The following SARDH variants were observed in gnomAD, a reference collection of about 807,000 sequenced individuals.
SARDH encodes the protein sarcosine dehydrogenase.
SARDH carries 95 observed loss-of-function variants against 109.1 expected under a neutral mutation model. The observed-to-expected ratio is 0.87, with a 90% CI of 0.74 to 1.03. The LOEUF is 1.03. Among genes scored for constraint, SARDH ranks in the 50% least tolerant of loss-of-function variants. SARDH has a pLI of 0.00. For missense variants in SARDH, 1,267 were observed against 1,287.8 expected, an observed-to-expected ratio of 0.98 and a Z score of 0.25; for synonymous variants, 572 against 534.8, an observed-to-expected ratio of 1.07 and a Z score of -0.96.
In SARDH at chr9:133,729,906, G is replaced by A. The variant is rs772075115; in HGVS notation, c.815-41C>T. ...AGACAGCTCAGCTCTGCTGACACCT[G>A]GTGGGAGCTGCCTCTCAGGTGTGCA... On this transcript the variant is annotated intron_variant, in intron 5 of 20. Transcript: ENST00000439388. 3 of 1,604,354 alleles carry A rather than the reference G, an allele frequency of 1.9e-6. No individual in the cohort carries two copies. In the South Asian group the frequency reaches 3.3e-5, roughly 18 times the overall value.
intron 16 of SARDH, among the ~76,000 whole-genome samples, chr9:133,689,015 T>C (rs129905): frequency 0.37 from 56,390 of 152,026 alleles, 10,705 homozygotes; most frequent in Admixed American, 0.45. Flanking sequence ...GCAACTGGCC[T>C]AGGACTCAGC....
At chr9:133,676,479 T>C (rs1289180114) in intron 17 of SARDH, among the ~76,000 whole-genome samples, 1 of 152,140 alleles carries the variant, frequency 6.6e-6, no homozygotes, top group Non-Finnish European at 1.5e-5. Flanking sequence ...ACAATTAAAT[T>C]AACAAACCAG....
chr9:133,735,035 C>A (rs1832835342), intron 1 of SARDH, among the ~76,000 whole-genome samples: 1 of 152,086 alleles, frequency 6.6e-6, no homozygotes, highest in South Asian at 2.1e-4. Flanking sequence ...GACACTTGCG[C>A]TCCCAGACAG....
chr9:133,706,765 G>A (rs570509519), intron 11 of SARDH, among the ~76,000 whole-genome samples: 1 of 152,266 alleles, frequency 6.6e-6, no homozygotes, highest in East Asian at 1.9e-4. Flanking sequence ...TGACTGGAAC[G>A]AGGCCCCGAG....
At position 133,690,414 on chromosome 9, in the gene SARDH, C is replaced by T; in HGVS notation, c.2035G>A (p.Asp679Asn). 1 of 1,613,278 alleles carries T rather than the reference C, an allele frequency of 6.2e-7. No individual in the cohort carries two copies. Among genetic ancestry groups the T allele is most frequent in the Non-Finnish European group, 8.5e-7 (1 of 1,179,946 alleles). ...SQCQLIDSSE[D>N]LGMISIQGPA... is the part of the protein sequence containing the mutation. ...CCCTGGATACTGATCATACCCAGGT[C>T]CTCGGAGCTGTCGATGAGCTGGCAC... Residue 679 changes from aspartate (D) to asparagine (N), a missense_variant, in exon 16 of 21, where the codon GAC becomes AAC. Asp to Asn is a conservative substitution (Grantham distance 23). Coordinates refer to ENST00000439388, the MANE Select transcript of SARDH (RefSeq NM_001134707.2).
intron 12 of SARDH, 127 bp from the exon 13 acceptor site, chr9:133,703,156 GA>G: frequency 1.3e-6 from 1 of 777,774 alleles, no homozygotes. Flanking sequence ...GCCCTGCACT[GA>G]GTGCCCGTGT....
chr9:133,722,456 A>G (rs944942030), intron 6 of SARDH, among the ~76,000 whole-genome samples: 1 of 152,180 alleles, frequency 6.6e-6, no homozygotes, highest in African/African-American at 2.4e-5. Flanking sequence ...GGAATTAGAG[A>G]AAGATATCCA....
At position 133,692,060 on chromosome 9, in the gene SARDH, G is replaced by A. The variant is rs1185407436; in HGVS notation, c.1922-1533C>T. ...CTGACAGCTTCCCCTTATGAGGGGG[G>A]ACGAGCAAGGTCCTCATTCCCCAGC... On this transcript the variant is annotated intron_variant, in intron 15 of 20. Transcript: ENST00000439388. The surrounding 1 kb of genome is among the most constrained non-coding windows in gnomAD (Gnocchi z 5.0). Among the ~76,000 whole-genome samples the A allele has an allele frequency of 6.6e-6, 1 of 152,204 alleles. No homozygotes were observed. The highest frequency in any genetic ancestry group is 1.5e-5 in the Non-Finnish European group (1 of 68,028).
Position 133,718,838 on chromosome 9 carries a change from C to T in SARDH, c.1020+100G>A. 1 of 974,184 alleles carries T rather than the reference C, an allele frequency of 1.0e-6. No individual in the cohort carries two copies. The highest frequency in any genetic ancestry group is 1.7e-6 in the Non-Finnish European group (1 of 596,488). 60.3% of individuals were successfully genotyped at this position (974,184 alleles called of 1,614,324 possible). A position where few individuals can be genotyped will look rare whatever the true frequency, so the allele number is the denominator to read the frequency against. ...GACCGGCCACTTCTCAGGTGTGCCT[C>T]TGAGGAGCTTCAGGAGGATGGACTT... On this transcript the variant is annotated intron_variant, in intron 7 of 20. Transcript: ENST00000439388. This position sits in a 1 kb window ranked among gnomAD's most constrained non-coding sequence, Gnocchi z 4.2.
intron 4 of SARDH, 112 bp from the exon 5 acceptor site, chr9:133,730,299 C>T: frequency 7.1e-7 from 1 of 1,411,512 alleles, no homozygotes; most frequent in South Asian, 1.3e-5. Flanking sequence ...ACTATTTCTG[C>T]CAGCAGCAGG....
At chr9:133,717,582 G>A (rs1370181417) in intron 7 of SARDH, 127 bp from the exon 8 acceptor site, 12 of 1,358,348 alleles carry the variant, frequency 8.8e-6, no homozygotes, top group South Asian at 8.4e-5. Context: ...AGGGCTGGTG[G>A]TCACCCACAC....
At position 133,692,776 on chromosome 9, in the gene SARDH, G is replaced by A. The variant is rs1429571683; in HGVS notation, c.1921+1482C>T. 6.6e-6 allele frequency among the ~76,000 whole-genome samples: 1 copy of A among 152,114 alleles called. No homozygotes were observed. The highest frequency in any genetic ancestry group is 2.4e-5 in the African/African-American group (1 of 41,416). ...CTCACGTGATGACTGTTGAGGGAAC[G>A]AGCGAAGGAACGAGCTCATGGATCC... is the stretch of plus-strand genomic sequence containing the variant. On this transcript the variant is annotated intron_variant, in intron 15 of 20. Transcript: ENST00000439388. The surrounding 1 kb of genome is among the most constrained non-coding windows in gnomAD (Gnocchi z 5.0).
intron 14 of SARDH, 39 bp downstream of exon 14, chr9:133,696,184 G>T: frequency 6.2e-7 from 1 of 1,609,866 alleles, no homozygotes. Flanking sequence ...TGTGCCCATG[G>T]AGTGACAGGA....
At chr9:133,700,770 C>T (rs1044033068) in intron 13 of SARDH, among the ~76,000 whole-genome samples, 1 of 152,256 alleles carries the variant, frequency 6.6e-6, no homozygotes, top group South Asian at 2.1e-4. Flanking sequence ...ACATCACTCC[C>T]TATTTCCTTC....
intron 8 of SARDH, among the ~76,000 whole-genome samples, chr9:133,716,266 C>T (rs963521869): frequency 2.6e-5 from 4 of 152,214 alleles, no homozygotes; most frequent in South Asian, 2.1e-4. Flanking sequence ...AGAAGGAGGG[C>T]GCTGGCCCTG....
At chr9:133,670,268 G>A (rs1301502862) in intron 19 of SARDH, among the ~76,000 whole-genome samples, 1 of 149,660 alleles carries the variant, frequency 6.7e-6, no homozygotes, top group Non-Finnish European at 1.5e-5. Context: ...GGCGGAGGTT[G>A]CAGTGAGCCG....
chr9:133,729,286 C>T lies in SARDH; in HGVS notation c.915+479G>A, dbSNP rs115753252. On this transcript the variant is annotated intron_variant, in intron 6 of 20. Transcript: ENST00000439388. ...ACAGGAGAGAAGAGAGGGCAGGAGG[C>T]ACCCAGCCCCAGGTGCCAGGAGGTG... Among the ~76,000 whole-genome samples, 435 of 152,166 alleles carry T rather than the reference C, an allele frequency of 2.9e-3. 1 individual carries two copies. The highest frequency in any genetic ancestry group is 0.01 in the African/African-American group (418 of 41,496).
In SARDH at chr9:133,732,511, G is replaced by T. The variant is rs534554278; in HGVS notation, c.422C>A (p.Thr141Lys). ...CTGGATCCAGCCCGTGTGTAGTCCC[G>T]TCTCCTCCTCCAGCTCCCGGCTCAC... ...RVVSRELEEE[T>K]GLHTGWIQNG... Residue 141 changes from threonine to lysine, a missense_variant, in exon 3 of 21, where the codon ACG becomes AAG. Physicochemically the swap from Thr to Lys is moderately conservative, Grantham distance 78. Coordinates refer to ENST00000439388, the MANE Select transcript of SARDH (RefSeq NM_001134707.2). 3.1e-6 allele frequency: 5 copies of T among 1,613,718 alleles called. No individual in the cohort carries two copies. The highest frequency in any genetic ancestry group is 4.2e-6 in the Non-Finnish European group (5 of 1,179,858).
In SARDH at chr9:133,729,787, G is replaced by T. The variant is rs751125949; in HGVS notation, c.893C>A (p.Thr298Asn). ...LVAMHHAYVV[T>N]ERIEGIQNMP... ...TACCTGAATCCCCTCGATGCGCTCG[G>T]TGACGACATAGGCATGGTGCATGGC... is the stretch of plus-strand genomic sequence containing the variant. Residue 298 changes from threonine to asparagine, a missense_variant, in exon 6 of 21, where the codon ACC (threonine) becomes AAC (asparagine). Transcript: ENST00000439388. The T allele has an allele frequency of 3.7e-6, 6 of 1,612,942 alleles. No individual in the cohort carries two copies. Among genetic ancestry groups the T allele is most frequent in the South Asian group, 1.1e-5 (1 of 91,082 alleles).
Sources: allele counts gnomAD v4.1 joint callset (sites outside exome capture counted in the v4.1 genomes callset), GRCh38; gene constraint gnomAD v4.1.1; non-coding constraint Gnocchi (gnomAD v3.1); transcripts MANE v1.5; gene names NCBI Gene and HGNC (gene_info 2026-07-23, HGNC 2026-07-21).